Variants in NXPH1 observed in about 807,000 individuals in gnomAD.
NXPH1 encodes neurexophilin 1.
Under a neutral mutation model 23.7 loss-of-function variants are expected in NXPH1, and 5 were observed. The observed-to-expected ratio is 0.21, with a 90% CI of 0.11 to 0.44. The LOEUF is 0.44. Ranked by LOEUF, NXPH1 falls within the 20% of genes least tolerant of loss-of-function variation. NXPH1 has a pLI of 0.99. For synonymous variants in NXPH1, 144 were observed against 122.2 expected, an observed-to-expected ratio of 1.18 and a Z score of -1.18; for missense variants, 324 against 321.6, an observed-to-expected ratio of 1.01 and a Z score of -0.06.
At chr7:8,595,671 A>G (rs746145673) in intron 2 of NXPH1, among the ~76,000 whole-genome samples, 2 of 151,994 alleles carry the variant, frequency 1.3e-5, no homozygotes, top group Non-Finnish European at 2.9e-5. Flanking sequence ...TACGGAACTC[A>G]AGAGTATACT....
At chr7:8,466,845 G>A (rs1242589301) in intron 2 of NXPH1, among the ~76,000 whole-genome samples, 1 of 152,074 alleles carries the variant, frequency 6.6e-6, no homozygotes, top group African/African-American at 2.4e-5. Context: ...GTGGTTGGGA[G>A]GTGGTATAGG....
At chr7:8,676,411 A>T (rs145074317) in intron 2 of NXPH1, among the ~76,000 whole-genome samples, 2 of 152,284 alleles carry the variant, frequency 1.3e-5, no homozygotes, top group Non-Finnish European at 2.9e-5. Flanking sequence ...GAGGGCCCCA[A>T]ATCAGGCCTC....
intron 2 of NXPH1, among the ~76,000 whole-genome samples, chr7:8,557,698 AG>A (rs1818382543): frequency 6.6e-6 from 1 of 151,680 alleles, no homozygotes; most frequent in Non-Finnish European, 1.5e-5. Context: ...TTCCTTCTCA[AG>A]TAGCTGCTAC....
intron 2 of NXPH1, among the ~76,000 whole-genome samples, chr7:8,521,314 G>A (rs4640975): frequency 0.23 from 35,488 of 152,000 alleles, 4,254 homozygotes; most frequent in East Asian, 0.3. Flanking sequence ...AGAGAGTGCC[G>A]GGGCTCATCT....
At chr7:8,642,535 G>C (rs1381122546) in intron 2 of NXPH1, among the ~76,000 whole-genome samples, 2 of 152,006 alleles carry the variant, frequency 1.3e-5, no homozygotes, top group Admixed American at 1.3e-4. Context: ...TTTAAAATTG[G>C]TTACCAAAAA....
At chr7:8,643,336 T>A (rs1273911035) in intron 2 of NXPH1, among the ~76,000 whole-genome samples, 1 of 152,074 alleles carries the variant, frequency 6.6e-6, no homozygotes, top group East Asian at 1.9e-4. Flanking sequence ...CTTTGGAAAA[T>A]TGATTTGAGG....
In NXPH1 at chr7:8,751,847, C is replaced by T. The variant is rs1780570064; in HGVS notation, c.*78C>T. 1.5e-6 allele frequency: 2 copies of T among 1,350,468 alleles called. No individual in the cohort carries two copies. Among genetic ancestry groups the T allele is most frequent in the Non-Finnish European group, 2.0e-6 (2 of 1,006,178 alleles). 83.7% of individuals were successfully genotyped at this position (1,350,468 alleles called of 1,614,324 possible). A position where few individuals can be genotyped will look rare whatever the true frequency, so the allele number is the denominator to read the frequency against. On this transcript the variant is annotated 3_prime_UTR_variant, in exon 3 of 3. Transcript: ENST00000405863. This position sits in a 1 kb window ranked among gnomAD's most constrained non-coding sequence, Gnocchi z 4.5. The stretch of plus-strand genomic sequence containing the variant: ...GGGCTGTTACCTCAAAGAAGAAGGT[C>T]ACATCTGTTGCCTGGAATGTGTCTA...
chr7:8,697,016 G>C (rs1679033316), intron 2 of NXPH1, among the ~76,000 whole-genome samples: 1 of 151,374 alleles, frequency 6.6e-6, no homozygotes, highest in African/African-American at 2.4e-5. Context: ...AAATTAGCTG[G>C]GTGTGGTGGT....
At chr7:8,731,160 T>G (rs895872771) in intron 2 of NXPH1, among the ~76,000 whole-genome samples, 1 of 152,090 alleles carries the variant, frequency 6.6e-6, no homozygotes, top group Non-Finnish European at 1.5e-5. Context: ...GCATTCTTCA[T>G]GTAGTTCTCG....
intron 2 of NXPH1, among the ~76,000 whole-genome samples, chr7:8,541,301 A>G (rs11767429): frequency 0.3 from 45,598 of 151,568 alleles, 7,386 homozygotes; most frequent in East Asian, 0.51. Flanking sequence ...ATGAAACACA[A>G]GAGAAAAGAG....
chr7:8,559,137 T>C (rs79850879), intron 2 of NXPH1, among the ~76,000 whole-genome samples: 5,293 of 151,516 alleles, frequency 0.035, 136 homozygotes, highest in Non-Finnish European at 0.051. Context: ...TTTAAAAATT[T>C]TTTAGAGACA....
At chr7:8,608,538 A>T (rs1441102228) in intron 2 of NXPH1, among the ~76,000 whole-genome samples, 1 of 152,100 alleles carries the variant, frequency 6.6e-6, no homozygotes, top group African/African-American at 2.4e-5. Flanking sequence ...GAATGGAGGT[A>T]GTGGCAGAGG....
chr7:8,725,218 T>C (rs1306203345), intron 2 of NXPH1, among the ~76,000 whole-genome samples: 1 of 152,174 alleles, frequency 6.6e-6, no homozygotes, highest in Non-Finnish European at 1.5e-5. Context: ...GGACAGGCGC[T>C]GTGACTCACG....
intron 2 of NXPH1, among the ~76,000 whole-genome samples, chr7:8,722,680 G>A (rs1270717375): frequency 6.6e-6 from 1 of 152,186 alleles, no homozygotes; most frequent in Non-Finnish European, 1.5e-5. Context: ...GAGCTTTGAA[G>A]CTTTAAAAGC....
At chr7:8,586,088 C>T (rs1818974932) in intron 2 of NXPH1, among the ~76,000 whole-genome samples, 1 of 152,142 alleles carries the variant, frequency 6.6e-6, no homozygotes, top group South Asian at 2.1e-4. Flanking sequence ...CACAGAAAGT[C>T]TTGAACGATC....
intron 2 of NXPH1, among the ~76,000 whole-genome samples, chr7:8,675,690 G>A (rs1820940854): frequency 6.6e-6 from 1 of 152,156 alleles, no homozygotes; most frequent in African/African-American, 2.4e-5. Context: ...GTTAACATCT[G>A]TGGTACATTT....
intron 2 of NXPH1, among the ~76,000 whole-genome samples, chr7:8,553,338 ATTTT>A (rs200120951): frequency 7.7e-5 from 11 of 142,590 alleles, no homozygotes; most frequent in Non-Finnish European, 7.7e-5. Context: ...GGTGGTGGGC[ATTTT>A]TTTTTTTTTT....
intron 2 of NXPH1, among the ~76,000 whole-genome samples, chr7:8,518,914 C>T (rs569078404): frequency 5.3e-5 from 8 of 152,204 alleles, no homozygotes; most frequent in African/African-American, 1.9e-4. Context: ...TTCCCCCATC[C>T]CCTGTTCATT....
At position 8,693,287 on chromosome 7, in the gene NXPH1, C is replaced by A. The variant is rs149111175; in HGVS notation, c.55-57721C>A. Among the ~76,000 whole-genome samples the A allele has an allele frequency of 9.4e-3, 1,428 of 152,284 alleles. 23 individuals are homozygous for A. Among genetic ancestry groups the A allele is most frequent in the African/African-American group, 0.033 (1,359 of 41,546 alleles). ...GAGTCAGGCAGGCCTGAGTTTGAAT[C>A]CACATTCCAAGTTACATGTGTGTCC... On this transcript the variant is annotated intron_variant, in intron 2 of 2. Coordinates refer to ENST00000405863, the MANE Select transcript of NXPH1 (RefSeq NM_152745.3).
Sources: gnomAD v4.1 joint callset for allele counts (sites outside exome capture counted in the v4.1 genomes callset) on GRCh38, gnomAD v4.1.1 for gene constraint, Gnocchi (gnomAD v3.1) non-coding constraint, MANE v1.5 for transcripts, NCBI Gene and HGNC (gene_info 2026-07-23, HGNC 2026-07-21) for gene names.